Variants in TXLNB observed in about 807,000 individuals in gnomAD.
The protein encoded by TXLNB is beta-taxilin.
TXLNB carries 37 observed loss-of-function variants against 57.4 expected under a neutral mutation model. That is an observed-to-expected ratio of 0.64 (90% CI 0.50 to 0.85). The LOEUF (loss-of-function observed/expected upper bound fraction) is 0.85. TXLNB is among the 40% of genes least tolerant of loss of function. TXLNB has a pLI of 0.00. For synonymous variants in TXLNB, 302 were observed against 309.6 expected (o/e 0.98, Z 0.26); for missense variants, 848 against 825.6 (o/e 1.03, Z -0.33).
chr6:139,213,451 C>G, the TXLNB span, among the ~76,000 whole-genome samples: 10 of 152,172 alleles, frequency 6.6e-5, no homozygotes, highest in African/African-American at 2.2e-4. Context: ...CACAACATAT[C>G]AAAATCTCTG....
chr6:139,271,162 T>TTC (rs1409360970), intron 3 of TXLNB, among the ~76,000 whole-genome samples: 1 of 152,164 alleles, frequency 6.6e-6, no homozygotes, highest in Non-Finnish European at 1.5e-5. Flanking sequence ...TGTGGATTGT[T>TTC]TATGTGTGGG....
At chr6:139,316,444 G>A in the TXLNB span, among the ~76,000 whole-genome samples, 1 of 151,976 alleles carries the variant, frequency 6.6e-6, no homozygotes. Flanking sequence ...TACCCCTGAT[G>A]TTTTCTGCTA....
chr6:139,232,127 G>A, the TXLNB span, among the ~76,000 whole-genome samples: 1 of 152,180 alleles, frequency 6.6e-6, no homozygotes, highest in Non-Finnish European at 1.5e-5. Context: ...TGTACTCACA[G>A]TTCCACATGG....
Position 139,243,033 on chromosome 6 carries a change from G to A in TXLNB, c.1548C>T (p.Thr516=), listed in dbSNP as rs765099637. The A allele has an allele frequency of 4.2e-5, 67 of 1,614,012 alleles. No individual in the cohort carries two copies. Among genetic ancestry groups the A allele is most frequent in the Non-Finnish European group, 5.5e-5 (65 of 1,180,026 alleles). The change falls in exon 10 of 10, where the codon ACC becomes ACT. Residue 516 remains threonine, a synonymous_variant. Transcript: ENST00000358430. ...AFMIIHHPES[T]PHQSKETQPE... ...GTTGGGTTTCTTTGGACTGGTGCGG[G>A]GTTGACTCTGGATGATGAATTATCA... is the stretch of plus-strand genomic sequence containing the variant.
the TXLNB span, among the ~76,000 whole-genome samples, chr6:139,210,605 A>G: frequency 6.6e-6 from 1 of 152,242 alleles, no homozygotes; most frequent in Non-Finnish European, 1.5e-5. Context: ...TACTGGGTTC[A>G]TCTCACTGGG....
intron 3 of TXLNB, among the ~76,000 whole-genome samples, chr6:139,276,226 AACTG>A (rs1339172293): frequency 2.6e-5 from 4 of 152,238 alleles, no homozygotes; most frequent in African/African-American, 9.6e-5. Context: ...AAACTCAGGC[AACTG>A]ACTAACTTTA....
intron 2 of TXLNB, 139 bp from the exon 3 acceptor site, chr6:139,277,060 C>A: frequency 1.6e-6 from 1 of 625,902 alleles, no homozygotes; most frequent in South Asian, 2.2e-5. Context: ...ATTTTCTTTC[C>A]TATAGAAATG....
chr6:139,217,525 C>T, the TXLNB span, among the ~76,000 whole-genome samples: 3 of 152,218 alleles, frequency 2.0e-5, no homozygotes, highest in South Asian at 2.1e-4. Context: ...GCAGGATTAA[C>T]GTCTGCTTCA....
chr6:139,234,914 T>C, the TXLNB span, among the ~76,000 whole-genome samples: 2 of 152,198 alleles, frequency 1.3e-5, no homozygotes, highest in Non-Finnish European at 2.9e-5. Context: ...CACTGCACCC[T>C]GCAAAGCCAC....
At chr6:139,235,422 G>A (rs1775825248), downstream of TXLNB, among the ~76,000 whole-genome samples, 1 of 152,182 alleles carries the variant, frequency 6.6e-6, no homozygotes, top group Non-Finnish European at 1.5e-5. Flanking sequence ...AGACTTTGGG[G>A]GACTGTTGGG....
the TXLNB span, among the ~76,000 whole-genome samples, chr6:139,316,073 A>T: frequency 1.3e-5 from 2 of 152,252 alleles, no homozygotes; most frequent in African/African-American, 4.8e-5. Flanking sequence ...ATATTTGGTA[A>T]GAATATACAG....
the TXLNB span, among the ~76,000 whole-genome samples, chr6:139,192,902 G>T: frequency 6.6e-6 from 1 of 151,794 alleles, no homozygotes; most frequent in Admixed American, 6.6e-5. Context: ...GGCGGAGGTT[G>T]CAGTGAGCCG....
the TXLNB span, among the ~76,000 whole-genome samples, chr6:139,316,512 A>T: frequency 6.6e-6 from 1 of 151,750 alleles, no homozygotes. Context: ...ATAAATTCCC[A>T]CTTGCCCAGG....
chr6:139,271,408 A>G (rs1583016214), intron 3 of TXLNB: 1 of 152,324 alleles, frequency 6.6e-6, no homozygotes, highest in African/African-American at 2.4e-5. Flanking sequence ...AAAGTACTGT[A>G]TCAGGACTGC....
chr6:139,225,751 T>A, the TXLNB span, among the ~76,000 whole-genome samples: 1 of 152,148 alleles, frequency 6.6e-6, no homozygotes, highest in Non-Finnish European at 1.5e-5. Flanking sequence ...TCTCTTCAAA[T>A]TGATTTATAC....
the TXLNB span, among the ~76,000 whole-genome samples, chr6:139,193,015 A>T: frequency 6.6e-6 from 1 of 151,860 alleles, no homozygotes. Context: ...TGTTGTGAAG[A>T]TCACTGGTGA....
rs1775968351 is a variant in TXLNB, at chr6:139,242,692, A to T, written c.1889T>A (p.Val630Glu). The T allele has an allele frequency of 3.7e-6, 6 of 1,610,874 alleles. No individual in the cohort carries two copies. Among genetic ancestry groups the T allele is most frequent in the Middle Eastern group, 3.3e-4 (2 of 6,028 alleles). Reference protein sequence around the residue: ...EASLQKMEADVPAPACAAEEH... With the variant: ...EASLQKMEADEPAPACAAEEH... ...TTCTGCTGCGCATGCTGGAGCAGGCACATCTGCCTCCATCTTCTGTAGGGA... is the reference window on the plus strand; with the variant it reads ...TTCTGCTGCGCATGCTGGAGCAGGCTCATCTGCCTCCATCTTCTGTAGGGA... The change falls in exon 10 of 10, where the codon GTG becomes GAG. Residue 630 changes from valine (V) to glutamate (E), a missense_variant. Physicochemically the swap from Val to Glu is moderately radical, Grantham distance 121. Transcript: ENST00000358430.
rs777926120 is a variant in TXLNB at position 139,270,614 on chromosome 6, G to A, written c.529C>T (p.Arg177Cys). ...KKYAELLDEH[R>C]TEQKKLKLLQ... ...AGCTTTAACTTCTTTTGCTCAGTAC[G>A]ATGTTCATCCAGCTGTACACATGGA... Residue 177 changes from arginine (R) to cysteine (C), a missense_variant, in exon 4 of 10, where the codon CGT becomes TGT. Transcript: ENST00000358430. 25 of 1,613,678 alleles carry A rather than the reference G, an allele frequency of 1.5e-5. No homozygotes were observed. Among genetic ancestry groups the A allele is most frequent in the Non-Finnish European group, 1.9e-5 (22 of 1,179,856 alleles).
the TXLNB span, among the ~76,000 whole-genome samples, chr6:139,200,961 T>A: frequency 6.6e-6 from 1 of 152,146 alleles, no homozygotes; most frequent in Admixed American, 6.5e-5. Context: ...TCAATAGATC[T>A]ACAGTCTCAT....
Sources: gnomAD v4.1 joint callset for allele counts (sites outside exome capture counted in the v4.1 genomes callset) on GRCh38, gnomAD v4.1.1 for gene constraint, MANE v1.5 for transcripts, NCBI Gene and HGNC (gene_info 2026-07-23, HGNC 2026-07-21) for gene names.